OPN5: variants seen among roughly 807,000 people sequenced by gnomAD.
OPN5 encodes the protein opsin 5.
OPN5 carries 18 observed loss-of-function variants against 41.7 expected under a neutral mutation model. That is an observed-to-expected ratio of 0.43 (90% confidence interval 0.30 to 0.64). The LOEUF (loss-of-function observed/expected upper bound fraction) is 0.64. OPN5 is among the 30% of genes least tolerant of loss of function. The probability of loss-of-function intolerance (pLI) is 0.13; values close to 1 mark genes in which losing one functional copy is unlikely to be tolerated. For synonymous variants in OPN5, 178 were observed against 164.3 expected, an observed-to-expected ratio of 1.08 and a Z score of -0.64; for missense variants, 318 against 434.5, an observed-to-expected ratio of 0.73 and a Z score of 2.38.
At chr6:47,782,829 A>G (rs1581723302) in intron 1 of OPN5, among the ~76,000 whole-genome samples, 1 of 152,218 alleles carries the variant, frequency 6.6e-6, no homozygotes, top group South Asian at 2.1e-4. Context: ...TCTAGACTGC[A>G]TGATCTCATT....
chr6:47,789,720 C>T (rs551891895), intron 2 of OPN5, among the ~76,000 whole-genome samples: 3 of 152,186 alleles, frequency 2.0e-5, no homozygotes, highest in East Asian at 3.9e-4. Flanking sequence ...GTTGATTCAC[C>T]GAACTAACAG....
chr6:47,788,962 C>T (rs1773282424), intron 2 of OPN5, among the ~76,000 whole-genome samples: 1 of 151,894 alleles, frequency 6.6e-6, no homozygotes, highest in Non-Finnish European at 1.5e-5. Flanking sequence ...AAAGTGCAGC[C>T]GGGTTCTGGA....
chr6:47,795,287 T>C lies in OPN5; in HGVS notation c.480T>C (p.Ala160=), dbSNP rs1295066304. 3 of 1,613,454 alleles carry C rather than the reference T, an allele frequency of 1.9e-6. No individual in the cohort carries two copies. In the African/African-American group the frequency reaches 4.0e-5, roughly 22 times the overall value. The change falls in exon 4 of 7, where the codon GCT becomes GCC. Residue 160 remains alanine (A), a synonymous_variant. Coordinates refer to ENST00000371211, the Ensembl canonical transcript of OPN5. ...GCCTGGCAGCCATCTGGGCCTATGC[T>C]TCCTTCTGGACCACCATGCCCTTGG...
At chr6:47,807,458 AG>A (rs1422998248) in intron 4 of OPN5, among the ~76,000 whole-genome samples, 4 of 152,226 alleles carry the variant, frequency 2.6e-5, no homozygotes, top group Non-Finnish European at 4.4e-5. Context: ...GAGACTTCTG[AG>A]GGTATTTAAA....
chr6:47,801,500 C>A (rs1010871653), intron 4 of OPN5, among the ~76,000 whole-genome samples: 2 of 152,048 alleles, frequency 1.3e-5, no homozygotes, highest in Admixed American at 6.6e-5. Flanking sequence ...TTCAGAAGAC[C>A]CCCTGTGTGG....
intron 3 of OPN5, among the ~76,000 whole-genome samples, chr6:47,793,445 T>A (rs924998044): frequency 6.6e-6 from 1 of 152,190 alleles, no homozygotes; most frequent in Non-Finnish European, 1.5e-5. Flanking sequence ...CGTCCCAGAA[T>A]GTTGGAATTA....
chr6:47,814,663 G>A (rs984518504), intron 6 of OPN5, among the ~76,000 whole-genome samples: 2 of 152,134 alleles, frequency 1.3e-5, no homozygotes, highest in African/African-American at 4.8e-5. Flanking sequence ...CAGACTGTCA[G>A]TGGATAACTT....
chr6:47,811,697 G>T (rs1012381072), exon 6 of OPN5: 1 of 1,612,582 alleles, frequency 6.2e-7, no homozygotes, highest in African/African-American at 1.3e-5. Context: ...ACCACAGTCA[G>T]GAAGTCTTCT....
chr6:47,796,429 G>T (rs1773574298), intron 4 of OPN5, among the ~76,000 whole-genome samples: 1 of 151,954 alleles, frequency 6.6e-6, no homozygotes, highest in African/African-American at 2.4e-5. Flanking sequence ...ATGATTTTTT[G>T]CCCTTGTACT....
intron 5 of OPN5, among the ~76,000 whole-genome samples, chr6:47,811,270 T>C (rs750343844): frequency 1.3e-5 from 2 of 152,178 alleles, no homozygotes; most frequent in Admixed American, 1.3e-4. Flanking sequence ...AGAACAAAGC[T>C]GCAAACTCTG....
intron 4 of OPN5, among the ~76,000 whole-genome samples, chr6:47,799,532 T>C (rs533828935): frequency 1.2e-4 from 18 of 152,194 alleles, no homozygotes; most frequent in Non-Finnish European, 2.1e-4. Flanking sequence ...ATAGTTTTCA[T>C]GGGTCACTTT....
At chr6:47,807,012 C>T (rs940367498) in intron 4 of OPN5, among the ~76,000 whole-genome samples, 1 of 152,114 alleles carries the variant, frequency 6.6e-6, no homozygotes, top group Non-Finnish European at 1.5e-5. Flanking sequence ...CAAAAATTAG[C>T]CAGGCATGGT....
intron 6 of OPN5, among the ~76,000 whole-genome samples, chr6:47,813,782 TAAAAAGTGACA>T (rs1762340908): frequency 1.3e-5 from 2 of 152,126 alleles, no homozygotes; most frequent in South Asian, 4.2e-4. Context: ...TAAAATATTT[TAAAAAGTGACA>T]AAAAAGTGGT....
At position 47,821,972 on chromosome 6, in the gene OPN5, C is replaced by T. The variant is rs1012750190; in HGVS notation, c.1057-2011C>T. Among the ~76,000 whole-genome samples the T allele has an allele frequency of 1.1e-4, 16 of 152,034 alleles. No homozygotes were observed. The East Asian group carries it at 1.4e-3, about 13-fold the overall frequency. On this transcript the variant is annotated intron_variant, in intron 6 of 6. Transcript: ENST00000371211. The stretch of plus-strand genomic sequence containing the variant: ...ACTAAAAATATAAAAATTAGCTGGG[C>T]GCGGTGGCACGTGCCTATAGTCCCA...
At position 47,824,072 on chromosome 6, in the gene OPN5, T is replaced by C. The variant is rs889674385; in HGVS notation, c.*81T>C. On this transcript the variant is annotated 3_prime_UTR_variant, in exon 7 of 7. Coordinates refer to ENST00000371211, the Ensembl canonical transcript of OPN5. ...TGCAGAGAAATTAGCTTACAAATGT[T>C]ATTTTTCTGACTTCTCGCCTCCACT... 2.3e-5 allele frequency: 27 copies of C among 1,178,758 alleles called. No individual in the cohort carries two copies. The African/African-American group carries it at 3.8e-4, about 17-fold the overall frequency. The allele number at this position is 1,178,758 out of a possible 1,614,324, so 73.0% of individuals were successfully genotyped here. A position where few individuals can be genotyped will look rare whatever the true frequency, so the allele number is the denominator to read the frequency against.
chr6:47,811,442 C>T lies in OPN5; in HGVS notation c.999-232C>T, dbSNP rs538782792. ...AAAACAGGAAACTCATGATGGCATACGAAATGTGCTGTAAATGAGTGGCTT... is the reference window on the plus strand; with the variant it reads ...AAAACAGGAAACTCATGATGGCATATGAAATGTGCTGTAAATGAGTGGCTT... On this transcript the variant is annotated intron_variant, in intron 5 of 6. Transcript: ENST00000371211. Among the ~76,000 whole-genome samples, 16 of 152,182 alleles carry T rather than the reference C, an allele frequency of 1.1e-4. No individual in the cohort carries two copies. In the South Asian group the frequency reaches 2.3e-3, roughly 22 times the overall value.
exon 4 of OPN5, chr6:47,795,375 G>T (rs1172262178): frequency 6.2e-7 from 1 of 1,614,030 alleles, no homozygotes; most frequent in Non-Finnish European, 8.5e-7. Flanking sequence ...CTGGTGGCTG[G>T]CCCAGGCCTC....
chr6:47,792,792 C>T lies in OPN5; in HGVS notation c.421+820C>T, dbSNP rs544741462. Among the ~76,000 whole-genome samples, 7 of 152,138 alleles carry T rather than the reference C, an allele frequency of 4.6e-5. No homozygotes were observed. The South Asian group carries it at 8.3e-4, about 18-fold the overall frequency. The stretch of plus-strand genomic sequence containing the variant: ...TGTCAATTAGAGTGGTTGTGATGGA[C>T]GACAGACTGTGGTGTCAGAGCAGGG... On this transcript the variant is annotated intron_variant, in intron 3 of 6. Transcript: ENST00000371211.
At chr6:47,815,113 C>A (rs1416098285) in intron 6 of OPN5, among the ~76,000 whole-genome samples, 2 of 152,070 alleles carry the variant, frequency 1.3e-5, no homozygotes, top group Non-Finnish European at 1.5e-5. Context: ...CAAGAATTAT[C>A]ATAAAGTCTA....
Sources: gnomAD v4.1 joint callset for allele counts (sites outside exome capture counted in the v4.1 genomes callset) on GRCh38, gnomAD v4.1.1 for gene constraint, MANE v1.5 for transcripts, NCBI Gene and HGNC (gene_info 2026-07-23, HGNC 2026-07-21) for gene names.